The following PAK1 variants were observed in gnomAD, a reference collection of about 807,000 sequenced individuals.
PAK1 encodes the protein p21 (RAC1) activated kinase 1.
PAK1 carries 29 observed loss-of-function variants against 67.4 expected under a neutral mutation model. That is an observed-to-expected ratio of 0.43 (90% CI 0.32 to 0.59). The LOEUF (loss-of-function observed/expected upper bound fraction) is 0.59. Ranked by LOEUF, PAK1 falls within the 20% of genes least tolerant of loss-of-function variation. The pLI is 0.07. For missense variants in PAK1, 337 were observed against 670.7 expected (o/e 0.50, Z 5.50); for synonymous variants, 223 against 237.4 (o/e 0.94, Z 0.56).
At chr11:77,521,855 T>A in the PAK1 span, among the ~76,000 whole-genome samples, 1 of 152,374 alleles carries the variant, frequency 6.6e-6, no homozygotes, top group East Asian at 1.9e-4. Flanking sequence ...CCATCCCTTT[T>A]GTTCTTTCTG....
At chr11:77,351,855 C>T (rs1339999200) in intron 8 of PAK1, among the ~76,000 whole-genome samples, 1 of 150,076 alleles carries the variant, frequency 6.7e-6, no homozygotes, top group Non-Finnish European at 1.5e-5. Context: ...AATTTTATCT[C>T]TTTTGGTGGG....
chr11:77,369,931 CCT>C (rs1036301516), intron 5 of PAK1, among the ~76,000 whole-genome samples: 4 of 152,036 alleles, frequency 2.6e-5, no homozygotes, highest in Non-Finnish European at 5.9e-5. Context: ...TATCTTGGTT[CCT>C]CTCTTTAATG....
At chr11:77,489,381 C>CCCTCCCTCCTCTCT in the PAK1 span, among the ~76,000 whole-genome samples, 1 of 146,688 alleles carries the variant, frequency 6.8e-6, no homozygotes, top group Non-Finnish European at 1.5e-5. Context: ...CTCCTATCTC[C>CCCTCCCTCCTCTCT]CCTCCCTCCT....
intron 9 of PAK1, among the ~76,000 whole-genome samples, chr11:77,347,582 C>T (rs891130299): frequency 7.2e-5 from 11 of 152,084 alleles, no homozygotes; most frequent in African/African-American, 2.7e-4. Flanking sequence ...ATCCTTCCTT[C>T]CTCACCATTA....
chr11:77,491,889 TAA>T, the PAK1 span, among the ~76,000 whole-genome samples: 3 of 152,138 alleles, frequency 2.0e-5, no homozygotes, highest in African/African-American at 7.2e-5. Context: ...GTCAAAGACA[TAA>T]GAGTGGCTGA....
the PAK1 span, among the ~76,000 whole-genome samples, chr11:77,482,231 C>T: frequency 1.3e-5 from 2 of 151,872 alleles, no homozygotes; most frequent in South Asian, 2.1e-4. Context: ...TCAGGTAATC[C>T]GCCAGCCTCA....
chr11:77,374,892 A>G (rs1231532202), intron 4 of PAK1, among the ~76,000 whole-genome samples: 1 of 152,170 alleles, frequency 6.6e-6, no homozygotes, highest in Non-Finnish European at 1.5e-5. Flanking sequence ...AAAAGGATAC[A>G]CCTATATGAG....
chr11:77,443,693 T>C lies in PAK1; in HGVS notation c.-22+29859A>G, dbSNP rs573806634. ...AACTCTAAAGACCATGTTTTTTCCA[T>C]TAATTCAGTAAGCTTTTAATGACAC... On this transcript the variant is annotated intron_variant, in intron 1 of 14. Transcript: ENST00000356341. 1.6e-4 allele frequency among the ~76,000 whole-genome samples: 25 copies of C among 152,286 alleles called. No homozygotes were observed. In the South Asian group the frequency reaches 3.1e-3, roughly 19 times the overall value.
chr11:77,386,898 T>A (rs1476227086), intron 2 of PAK1, among the ~76,000 whole-genome samples: 1 of 152,106 alleles, frequency 6.6e-6, no homozygotes, highest in African/African-American at 2.4e-5. Flanking sequence ...CTCAGCCTTC[T>A]GTGTAGCTGG....
intron 1 of PAK1, among the ~76,000 whole-genome samples, chr11:77,435,685 T>A (rs906957095): frequency 2.1e-5 from 3 of 142,032 alleles, no homozygotes; most frequent in Non-Finnish European, 4.6e-5. Flanking sequence ...TTTTTTTGTA[T>A]TTTTAGTAGA....
intron 14 of PAK1, 55 bp from the exon 15 acceptor site, chr11:77,323,415 T>G: frequency 8.5e-7 from 1 of 1,170,802 alleles, no homozygotes; most frequent in South Asian, 1.2e-5. Flanking sequence ...TCTTCCCCAG[T>G]AACCATTACA....
At chr11:77,493,321 G>T in the PAK1 span, among the ~76,000 whole-genome samples, 1,730 of 142,906 alleles carry the variant, frequency 0.012, 33 homozygotes, top group African/African-American at 0.043. Flanking sequence ...TGCCCAGGTT[G>T]GAGTGCAGCT....
intron 7 of PAK1, 66 bp from the exon 8 acceptor site, chr11:77,353,665 T>A: frequency 8.0e-7 from 1 of 1,248,140 alleles, no homozygotes; most frequent in Non-Finnish European, 1.2e-6. Flanking sequence ...GGTTCCACAT[T>A]TCCCCAACCC....
At chr11:77,461,298 A>T (rs1055357888) in intron 1 of PAK1, among the ~76,000 whole-genome samples, 3 of 152,230 alleles carry the variant, frequency 2.0e-5, no homozygotes, top group Non-Finnish European at 4.4e-5. Flanking sequence ...GTCCCCAGTT[A>T]TTCAATTAAA....
chr11:77,420,016 A>G (rs1473526894), intron 1 of PAK1, among the ~76,000 whole-genome samples: 1 of 152,264 alleles, frequency 6.6e-6, no homozygotes, highest in African/African-American at 2.4e-5. Flanking sequence ...GCAGTCAGTC[A>G]TAAGTCAAAG....
intron 1 of PAK1, 78 bp from the exon 2 acceptor site, chr11:77,392,619 G>T: frequency 2.5e-6 from 3 of 1,202,842 alleles, no homozygotes; most frequent in Non-Finnish European, 3.5e-6. Flanking sequence ...AAATTGCAAA[G>T]AATCAAAATT....
the PAK1 span, among the ~76,000 whole-genome samples, chr11:77,519,704 G>A: frequency 6.6e-6 from 1 of 152,006 alleles, no homozygotes; most frequent in Non-Finnish European, 1.5e-5. Flanking sequence ...TTCCTTATCA[G>A]TTAGGTCTAG....
At chr11:77,355,998 C>T in intron 6 of PAK1, 156 bp from the exon 7 acceptor site, 1 of 576,344 alleles carries the variant, frequency 1.7e-6, no homozygotes, top group East Asian at 2.9e-5. Context: ...TGTGCCCAGG[C>T]CCACCCATTC....
At chr11:77,515,177 A>C in the PAK1 span, among the ~76,000 whole-genome samples, 1 of 152,294 alleles carries the variant, frequency 6.6e-6, no homozygotes, top group Non-Finnish European at 1.5e-5. Context: ...TGTACATTTA[A>C]TTTAATTACA....
Sources: gnomAD v4.1 joint callset for allele counts (sites outside exome capture counted in the v4.1 genomes callset) on GRCh38, gnomAD v4.1.1 for gene constraint, MANE v1.5 for transcripts, NCBI Gene and HGNC (gene_info 2026-07-23, HGNC 2026-07-21) for gene names.